The following NCKAP5 variants were observed in gnomAD, a reference collection of about 807,000 sequenced individuals.
The protein encoded by NCKAP5 is nck-associated protein 5.
A neutral mutation model predicts 167.0 loss-of-function variants in NCKAP5; 92 were observed. The observed-to-expected ratio is 0.55, with a 90% CI of 0.47 to 0.66. The LOEUF is 0.66. Among genes scored for constraint, NCKAP5 ranks in the 30% least tolerant of loss-of-function variants. NCKAP5 has a pLI of 0.00. For missense variants in NCKAP5, 2,378 were observed against 2,315.0 expected, an observed-to-expected ratio of 1.03 and a Z score of -0.56; for synonymous variants, 891 against 877.4, an observed-to-expected ratio of 1.02 and a Z score of -0.27.
chr2:133,022,319 G>A (rs1264076771), intron 6 of NCKAP5, among the ~76,000 whole-genome samples: 1 of 152,218 alleles, frequency 6.6e-6, no homozygotes, highest in Non-Finnish European at 1.5e-5. Flanking sequence ...ATTAGTAGAA[G>A]TATTTGTATC....
At chr2:133,613,627 C>T in the NCKAP5 span, among the ~76,000 whole-genome samples, 14 of 152,156 alleles carry the variant, frequency 9.2e-5, 1 homozygote, top group Non-Finnish European at 1.6e-4. Flanking sequence ...GCTCTCCTGC[C>T]GCTCCAGAGG....
chr2:133,258,629 C>A (rs967632977), intron 4 of NCKAP5, among the ~76,000 whole-genome samples: 2 of 151,944 alleles, frequency 1.3e-5, no homozygotes, highest in African/African-American at 2.4e-5. Flanking sequence ...CCTATAGTCG[C>A]AGCTACTAGG....
At chr2:133,308,282 G>A (rs1266726252) in intron 3 of NCKAP5, among the ~76,000 whole-genome samples, 2 of 151,164 alleles carry the variant, frequency 1.3e-5, no homozygotes, top group African/African-American at 2.4e-5. Context: ...TAGAGACGGG[G>A]TTTCACCATT....
At chr2:132,749,392 C>G (rs1470154804) in intron 16 of NCKAP5, among the ~76,000 whole-genome samples, 8 of 151,942 alleles carry the variant, frequency 5.3e-5, no homozygotes, top group Admixed American at 5.2e-4. Flanking sequence ...TTTGTAGAGA[C>G]AGGATTTTGT....
At chr2:133,400,715 G>A (rs994750291) in intron 3 of NCKAP5, among the ~76,000 whole-genome samples, 1 of 152,196 alleles carries the variant, frequency 6.6e-6, no homozygotes, top group East Asian at 1.9e-4. Flanking sequence ...TAATTTGTTA[G>A]AGCAGCTCTG....
chr2:133,203,793 C>T (rs1220065407), intron 5 of NCKAP5, among the ~76,000 whole-genome samples: 1 of 152,064 alleles, frequency 6.6e-6, no homozygotes, highest in African/African-American at 2.4e-5. Context: ...TGAAAGAATA[C>T]TAGGAAAATC....
intron 8 of NCKAP5, among the ~76,000 whole-genome samples, chr2:132,953,209 C>G (rs1177666167): frequency 6.6e-6 from 1 of 152,226 alleles, no homozygotes. Flanking sequence ...TGGCCCTTGA[C>G]AGGCCCATGT....
At chr2:133,196,709 A>T (rs2085452619) in intron 5 of NCKAP5, among the ~76,000 whole-genome samples, 1 of 152,182 alleles carries the variant, frequency 6.6e-6, no homozygotes, top group Non-Finnish European at 1.5e-5. Flanking sequence ...CAAAACTCAG[A>T]AGTATACACC....
At chr2:133,651,867 G>A in the NCKAP5 span, among the ~76,000 whole-genome samples, 11 of 152,324 alleles carry the variant, frequency 7.2e-5, no homozygotes, top group African/African-American at 2.6e-4. Flanking sequence ...GATGAACCTT[G>A]AGGACATTAT....
intron 3 of NCKAP5, among the ~76,000 whole-genome samples, chr2:133,383,165 A>G (rs552374508): frequency 1.3e-5 from 2 of 152,198 alleles, no homozygotes; most frequent in East Asian, 3.9e-4. Context: ...TGCTGTACCC[A>G]TTAACTTATC....
At chr2:132,768,809 T>A (rs1681760849) in intron 16 of NCKAP5, among the ~76,000 whole-genome samples, 1 of 151,418 alleles carries the variant, frequency 6.6e-6, no homozygotes, top group African/African-American at 2.4e-5. Context: ...CCGGCTAATT[T>A]TTTGTATTTT....
chr2:132,709,778 C>A (rs1209033912), intron 19 of NCKAP5, among the ~76,000 whole-genome samples: 1 of 152,110 alleles, frequency 6.6e-6, no homozygotes, highest in Non-Finnish European at 1.5e-5. Context: ...AGGGCTAAAT[C>A]ATTCTAACTT....
chr2:133,151,943 T>TA (rs2083398461), intron 5 of NCKAP5, among the ~76,000 whole-genome samples: 1 of 151,720 alleles, frequency 6.6e-6, no homozygotes, highest in Non-Finnish European at 1.5e-5. Context: ...CCCACCTCAA[T>TA]AAAAAACAAA....
chr2:132,962,700 C>T (rs2076552233), intron 8 of NCKAP5, among the ~76,000 whole-genome samples: 1 of 152,186 alleles, frequency 6.6e-6, no homozygotes, highest in Non-Finnish European at 1.5e-5. Context: ...ACGCCATTCT[C>T]CTGCCTCAGC....
intron 11 of NCKAP5, among the ~76,000 whole-genome samples, chr2:132,819,142 C>T: frequency 6.6e-6 from 1 of 152,068 alleles, no homozygotes; most frequent in Admixed American, 6.5e-5. Context: ...CCTCACTGCT[C>T]CCCAACCCTC....
intron 8 of NCKAP5, among the ~76,000 whole-genome samples, chr2:132,938,367 CAT>C (rs1697014103): frequency 6.6e-6 from 1 of 152,194 alleles, no homozygotes; most frequent in African/African-American, 2.4e-5. Flanking sequence ...TGTGTATACA[CAT>C]GAGTGCATTT....
rs116773490 is a variant in NCKAP5, at chr2:133,449,605, A to G, written c.69+67853T>C. On this transcript the variant is annotated intron_variant, in intron 3 of 19. Transcript: ENST00000409261. ...ATATAGAGGTTTACCCTAAGGCGTG[A>G]CGGTTCCTTTTAATGATATGACTCT... Among the ~76,000 whole-genome samples the G allele has an allele frequency of 3.4e-3, 514 of 152,276 alleles. 6 individuals are homozygous for G. Among genetic ancestry groups the G allele is most frequent in the African/African-American group, 0.011 (470 of 41,552 alleles).
At chr2:133,138,994 C>G (rs1188968555) in intron 5 of NCKAP5, among the ~76,000 whole-genome samples, 1 of 152,138 alleles carries the variant, frequency 6.6e-6, no homozygotes, top group Non-Finnish European at 1.5e-5. Context: ...AATTAACATT[C>G]CCCATAGGAA....
chr2:133,208,725 T>C (rs1013140760), intron 5 of NCKAP5, among the ~76,000 whole-genome samples: 3 of 152,228 alleles, frequency 2.0e-5, no homozygotes, highest in Non-Finnish European at 4.4e-5. Flanking sequence ...ACCATGCTAA[T>C]GCAAAGTATT....
Sources: gnomAD v4.1 joint callset for allele counts (sites outside exome capture counted in the v4.1 genomes callset) on GRCh38, gnomAD v4.1.1 for gene constraint, MANE v1.5 for transcripts, NCBI Gene and HGNC (gene_info 2026-07-23, HGNC 2026-07-21) for gene names.